Variants in CDH12 observed in about 807,000 individuals in gnomAD.
CDH12 encodes cadherin-12.
A neutral mutation model predicts 74.1 loss-of-function variants in CDH12; 41 were observed. The ratio of observed to expected loss-of-function variants is 0.55; its 90% CI spans 0.43 to 0.72. The LOEUF (loss-of-function observed/expected upper bound fraction) is 0.72. Ranked by LOEUF, CDH12 falls within the 30% of genes least tolerant of loss-of-function variation. CDH12 has a pLI of 0.00. For missense variants in CDH12, 945 were observed against 977.2 expected (o/e 0.97, Z 0.44); for synonymous variants, 399 against 355.0 (o/e 1.12, Z -1.39).
At chr5:21,753,089 TGAC>T (rs969239621) in intron 14 of CDH12, among the ~76,000 whole-genome samples, 1 of 152,218 alleles carries the variant, frequency 6.6e-6, no homozygotes, top group African/African-American at 2.4e-5. Flanking sequence ...CAGATACAAA[TGAC>T]GACGTCAGTG....
At chr5:22,580,582 T>C in intron 1 of CDH12, 1 of 471,720 alleles carries the variant, frequency 2.1e-6, no homozygotes, top group African/African-American at 2.0e-5. Context: ...GCTCACTCCA[T>C]AAACTTTTGG....
chr5:22,250,136 AG>A (rs1753087021), intron 3 of CDH12, among the ~76,000 whole-genome samples: 1 of 152,100 alleles, frequency 6.6e-6, no homozygotes, highest in African/African-American at 2.4e-5. Context: ...GTTTAATTTG[AG>A]CTAAGTATGC....
intron 1 of CDH12, among the ~76,000 whole-genome samples, chr5:22,670,373 G>A (rs889234315): frequency 6.6e-6 from 1 of 152,020 alleles, no homozygotes; most frequent in African/African-American, 2.4e-5. Context: ...GATTACAAAA[G>A]TATCATATTT....
chr5:21,854,191 C>T (rs532279466), intron 7 of CDH12, among the ~76,000 whole-genome samples: 1 of 151,516 alleles, frequency 6.6e-6, no homozygotes, highest in Non-Finnish European at 1.5e-5. Context: ...TTTGGTATTG[C>T]AAGATTGTCA....
intron 1 of CDH12, among the ~76,000 whole-genome samples, chr5:22,805,783 T>A (rs1200646091): frequency 6.6e-6 from 1 of 152,124 alleles, no homozygotes; most frequent in Non-Finnish European, 1.5e-5. Context: ...ACATTAGGTA[T>A]TTCTCCTAAT....
At chr5:22,331,219 G>T (rs1422276179) in intron 3 of CDH12, among the ~76,000 whole-genome samples, 1 of 152,154 alleles carries the variant, frequency 6.6e-6, no homozygotes, top group Non-Finnish European at 1.5e-5. Flanking sequence ...GGATATCCCT[G>T]GGTCCTGGGG....
At chr5:21,990,007 G>T (rs1757680797) in intron 5 of CDH12, among the ~76,000 whole-genome samples, 1 of 152,070 alleles carries the variant, frequency 6.6e-6, no homozygotes, top group African/African-American at 2.4e-5. Flanking sequence ...TCTGGCTGAT[G>T]TACACTTTTC....
chr5:22,404,108 T>G (rs1742841258), intron 3 of CDH12, among the ~76,000 whole-genome samples: 1 of 152,106 alleles, frequency 6.6e-6, no homozygotes, highest in Non-Finnish European at 1.5e-5. Flanking sequence ...TATTTGTATG[T>G]AATATGCAAT....
At chr5:22,133,879 AT>A (rs141985307) in intron 4 of CDH12, among the ~76,000 whole-genome samples, 1 of 151,946 alleles carries the variant, frequency 6.6e-6, no homozygotes, top group Non-Finnish European at 1.5e-5. Flanking sequence ...AGTTAATTTG[AT>A]TTTTTTCGGT....
At chr5:22,099,575 A>T (rs1396658199) in intron 4 of CDH12, among the ~76,000 whole-genome samples, 1 of 152,056 alleles carries the variant, frequency 6.6e-6, no homozygotes, top group Admixed American at 6.6e-5. Context: ...GAAACTTGTC[A>T]TCCCTACTAT....
chr5:22,448,093 C>T (rs931484374), intron 2 of CDH12, among the ~76,000 whole-genome samples: 1 of 147,730 alleles, frequency 6.8e-6, no homozygotes, highest in Non-Finnish European at 1.5e-5. Flanking sequence ...GCGAAGGTTG[C>T]AGTGAGCTAT....
rs567619578 is a variant in CDH12, at chr5:22,447,533, T to G, written c.-427-42182A>C. ...AGTAACACAGGAAGGAAACTATTTT[T>G]GTATTAAATAATACATGCTTGGATT... On this transcript the variant is annotated intron_variant, in intron 2 of 14. Coordinates refer to ENST00000382254, the MANE Select transcript of CDH12 (RefSeq NM_004061.5). Among the ~76,000 whole-genome samples the G allele has an allele frequency of 2.0e-5, 3 of 152,280 alleles. No individual in the cohort carries two copies. The South Asian group carries it at 6.2e-4, about 32-fold the overall frequency.
intron 8 of CDH12, among the ~76,000 whole-genome samples, chr5:21,830,198 T>TAAAAAAA (rs1561221170): frequency 3.6e-5 from 1 of 28,112 alleles, no homozygotes; most frequent in East Asian, 1.7e-3. Context: ...AAACTCCTTC[T>TAAAAAAA]CAAAAAAAAA....
intron 6 of CDH12, among the ~76,000 whole-genome samples, chr5:21,891,322 A>G (rs1297877982): frequency 1.3e-5 from 2 of 152,106 alleles, no homozygotes; most frequent in African/African-American, 2.4e-5. Context: ...AAATTCAGAC[A>G]TAGCCCTATT....
At chr5:21,829,790 C>A (rs1748900657) in intron 8 of CDH12, among the ~76,000 whole-genome samples, 1 of 152,126 alleles carries the variant, frequency 6.6e-6, no homozygotes, top group African/African-American at 2.4e-5. Context: ...ACTTCATTCT[C>A]CTACCTGGGT....
intron 6 of CDH12, among the ~76,000 whole-genome samples, chr5:21,953,790 A>C (rs1279370912): frequency 6.6e-6 from 1 of 152,070 alleles, no homozygotes; most frequent in Non-Finnish European, 1.5e-5. Flanking sequence ...CTTACAATTA[A>C]CTTTTTTATT....
intron 3 of CDH12, among the ~76,000 whole-genome samples, chr5:22,396,206 AT>A (rs1245663747): frequency 6.6e-6 from 1 of 152,014 alleles, no homozygotes; most frequent in East Asian, 1.9e-4. Context: ...AAAATAAGCA[AT>A]TTTTTCTGTT....
At chr5:21,878,777 GAAAGAAAAAAAGAAAGAAAGAAAGAAGA>G (rs1752074800) in intron 6 of CDH12, among the ~76,000 whole-genome samples, 1 of 67,540 alleles carries the variant, frequency 1.5e-5, no homozygotes, top group Non-Finnish European at 3.2e-5. Flanking sequence ...AGAAAGAAAA[GAAAGAAAAAAAGAAAGAAAGAAAGAAGA>G]AAGAAAGAAA....
At chr5:22,816,621 A>G (rs1190478729) in intron 1 of CDH12, among the ~76,000 whole-genome samples, 2 of 152,194 alleles carry the variant, frequency 1.3e-5, no homozygotes, top group Non-Finnish European at 2.9e-5. Context: ...ATAATTTAAC[A>G]TATTAAGTTT....
Sources: gnomAD v4.1 joint callset for allele counts (sites outside exome capture counted in the v4.1 genomes callset) on GRCh38, gnomAD v4.1.1 for gene constraint, MANE v1.5 for transcripts, NCBI Gene and HGNC (gene_info 2026-07-23, HGNC 2026-07-21) for gene names.